HHIP: variants seen among roughly 807,000 people sequenced by gnomAD.
The protein encoded by HHIP is hedgehog interacting protein.
A neutral mutation model predicts 74.0 loss-of-function variants in HHIP; 12 were observed. That is an observed-to-expected ratio of 0.16 (90% CI 0.10 to 0.26). The LOEUF is 0.26. Ranked by LOEUF, HHIP falls within the 10% of genes least tolerant of loss-of-function variation. The pLI, the probability that HHIP is intolerant of heterozygous loss-of-function variation, is 1.00. For synonymous variants in HHIP, 309 were observed against 311.6 expected (o/e 0.99, Z 0.09); for missense variants, 788 against 845.0 (o/e 0.93, Z 0.84).
chr4:144,719,437 G>GA (rs1323358718), intron 11 of HHIP, among the ~76,000 whole-genome samples: 1 of 152,216 alleles, frequency 6.6e-6, no homozygotes, highest in Non-Finnish European at 1.5e-5. Context: ...CAGTGCTCAT[G>GA]AAGACTGTGG....
At chr4:144,669,682 G>A (rs1578686833) in intron 4 of HHIP, among the ~76,000 whole-genome samples, 1 of 152,120 alleles carries the variant, frequency 6.6e-6, no homozygotes, top group South Asian at 2.1e-4. Context: ...ATTGCTAGCA[G>A]TTGAAATAAT....
chr4:144,723,749 C>T (rs1730703920), intron 11 of HHIP, among the ~76,000 whole-genome samples: 1 of 152,156 alleles, frequency 6.6e-6, no homozygotes, highest in African/African-American at 2.4e-5. Flanking sequence ...AACAGGGATA[C>T]AGGCTCCACT....
chr4:144,652,448 T>C (rs1364994165), intron 1 of HHIP, among the ~76,000 whole-genome samples, 157 bp from the exon 2 acceptor site: 1 of 152,156 alleles, frequency 6.6e-6, no homozygotes, highest in Non-Finnish European at 1.5e-5. Flanking sequence ...CTTGTATCCT[T>C]ATAAAGGCAT....
chr4:144,654,416 G>A (rs1159628878), intron 2 of HHIP, among the ~76,000 whole-genome samples: 1 of 152,090 alleles, frequency 6.6e-6, no homozygotes, highest in Non-Finnish European at 1.5e-5. Context: ...CCAGATGAAA[G>A]CTCCACTCTA....
chr4:144,657,511 G>T (rs1013923652), intron 2 of HHIP, among the ~76,000 whole-genome samples: 1 of 152,070 alleles, frequency 6.6e-6, no homozygotes, highest in Admixed American at 6.6e-5. Flanking sequence ...ACTGACTCTG[G>T]TAATACCGTC....
chr4:144,680,527 A>T (rs529718447), intron 4 of HHIP, among the ~76,000 whole-genome samples: 3 of 152,196 alleles, frequency 2.0e-5, no homozygotes, highest in Non-Finnish European at 2.9e-5. Context: ...AGCTCAGAAG[A>T]ATAATCTATT....
rs1034278560 is a variant in HHIP at position 144,744,794 on chromosome 4, C to T, written c.*6837C>T. The T allele has an allele frequency of 3.3e-5, 5 of 151,846 alleles. No homozygotes were observed. Among genetic ancestry groups the T allele is most frequent in the Non-Finnish European group, 5.9e-5 (4 of 68,014 alleles). The allele number at this position is 151,846 out of a possible 1,614,324, so 9.4% of individuals were successfully genotyped here. ...ATTTACTAGGGGGGGATTGTGGGCCCAATCGGCATCATAAGCATGTCTGAA... is the reference window on the plus strand; with the variant it reads ...ATTTACTAGGGGGGGATTGTGGGCCTAATCGGCATCATAAGCATGTCTGAA... On this transcript the variant is annotated 3_prime_UTR_variant, in exon 13 of 13. Coordinates refer to ENST00000296575, the MANE Select transcript of HHIP (RefSeq NM_022475.3).
chr4:144,671,118 T>A (rs1729025856), intron 4 of HHIP, among the ~76,000 whole-genome samples: 2 of 152,184 alleles, frequency 1.3e-5, no homozygotes, highest in Middle Eastern at 3.2e-3. Flanking sequence ...AGCTTCTGTT[T>A]AAATCTCCAG....
Position 144,715,444 on chromosome 4 carries a change from T to C in HHIP, c.1678+14T>C. 1 of 1,605,698 alleles carries C rather than the reference T, an allele frequency of 6.2e-7. No individual in the cohort carries two copies. The highest frequency in any genetic ancestry group is 8.5e-7 in the Non-Finnish European group (1 of 1,174,502). ...AAGATGAACTAGGTACTGTACAATCTAGTTCTGTTAAGTTTCATTCTCACT... is the reference window on the plus strand; with the variant it reads ...AAGATGAACTAGGTACTGTACAATCCAGTTCTGTTAAGTTTCATTCTCACT... On this transcript the variant is annotated intron_variant, in intron 10 of 12. Transcript: ENST00000296575.
intron 7 of HHIP, among the ~76,000 whole-genome samples, chr4:144,710,795 G>A (rs931042794): frequency 4.6e-5 from 7 of 152,182 alleles, no homozygotes; most frequent in African/African-American, 1.7e-4. Flanking sequence ...TGGCAGCACA[G>A]CCTCCCCAGA....
chr4:144,717,526 A>C (rs1730489035), intron 10 of HHIP, among the ~76,000 whole-genome samples: 1 of 152,324 alleles, frequency 6.6e-6, no homozygotes, highest in East Asian at 1.9e-4. Context: ...ACCAAATATA[A>C]ATTTTAAAAC....
intron 4 of HHIP, among the ~76,000 whole-genome samples, chr4:144,681,117 C>T (rs1222390119): frequency 1.3e-5 from 2 of 152,070 alleles, no homozygotes; most frequent in Non-Finnish European, 2.9e-5. Context: ...CTGTAGTATT[C>T]AGGTCATCTT....
At chr4:144,668,441 C>A (rs914855670) in intron 4 of HHIP, among the ~76,000 whole-genome samples, 1 of 151,594 alleles carries the variant, frequency 6.6e-6, no homozygotes, top group African/African-American at 2.4e-5. Context: ...GTGAAATGTG[C>A]TGAAGATCGG....
intron 4 of HHIP, among the ~76,000 whole-genome samples, chr4:144,673,324 T>C (rs1366622553): frequency 1.3e-5 from 2 of 152,238 alleles, no homozygotes. Flanking sequence ...TTCTCATAGT[T>C]TCAAAGTGCA....
intron 4 of HHIP, among the ~76,000 whole-genome samples, chr4:144,699,208 T>TG (rs1484571799): frequency 8.5e-5 from 13 of 152,290 alleles, no homozygotes; most frequent in African/African-American, 3.1e-4. Context: ...GCTACAAATT[T>TG]GGGGGTTCTC....
intron 4 of HHIP, among the ~76,000 whole-genome samples, chr4:144,700,125 C>T (rs1729936424): frequency 6.6e-6 from 1 of 152,286 alleles, no homozygotes; most frequent in African/African-American, 2.4e-5. Context: ...CACATTTTAT[C>T]AAATGGTCTT....
chr4:144,665,943 A>G (rs1187454998), intron 4 of HHIP, among the ~76,000 whole-genome samples: 2 of 152,202 alleles, frequency 1.3e-5, no homozygotes, highest in Admixed American at 6.5e-5. Context: ...AATAGAAGCT[A>G]TAAATCTGAG....
chr4:144,708,409 C>T (rs922336900), intron 7 of HHIP, 98 bp downstream of exon 7: 4 of 1,248,302 alleles, frequency 3.2e-6, no homozygotes, highest in Non-Finnish European at 3.4e-6. Flanking sequence ...CACAGAGCAG[C>T]CAAAGGTAGT....
At chr4:144,660,217 A>C in intron 4 of HHIP, 1 of 288,278 alleles carries the variant, frequency 3.5e-6, no homozygotes, top group Non-Finnish European at 6.3e-6. Flanking sequence ...ATTGCAAATC[A>C]TTCTTTCACC....
Sources: gnomAD v4.1 joint callset for allele counts (sites outside exome capture counted in the v4.1 genomes callset) on GRCh38, gnomAD v4.1.1 for gene constraint, MANE v1.5 for transcripts, NCBI Gene and HGNC (gene_info 2026-07-23, HGNC 2026-07-21) for gene names.